The following ZNF672 variants were observed in gnomAD, a reference collection of about 807,000 sequenced individuals.
The protein encoded by ZNF672 is zinc finger protein 672.
For missense variants in ZNF672, 733 were observed against 701.1 expected, an observed-to-expected ratio of 1.05 and a Z score of -0.51; for synonymous variants, 358 against 305.6, an observed-to-expected ratio of 1.17 and a Z score of -1.79.
chr1:248,838,642 C>T (rs1336444013), intron 1 of ZNF672, 91 bp downstream of exon 1: 1 of 152,348 alleles, frequency 6.6e-6, no homozygotes, highest in African/African-American at 2.4e-5. Context: ...CCTCGGGCGA[C>T]TGGTGTCTGC....
At position 248,847,733 on chromosome 1, in the gene ZNF672, G is replaced by A; in HGVS notation, c.459G>A (p.Gly153=). Residue 153 remains glycine, a synonymous_variant, in exon 4 of 4, where the codon GGG becomes GGA. Transcript: ENST00000306562. ...ACCAGGCGCGGGCGCACCCCTTGGG[G>A]ACAACCTCTGACCCTGCTGCCCCAC... is the stretch of plus-strand genomic sequence containing the variant. ...LFHQARAHPL[G]TTSDPAAPPH... is the part of the protein sequence containing the mutation. 3.4e-6 allele frequency: 5 copies of A among 1,470,008 alleles called. No individual in the cohort carries two copies. The highest frequency in any genetic ancestry group is 1.4e-5 in the African/African-American group (1 of 70,612). The allele number at this position is 1,470,008 out of a possible 1,614,324, so 91.1% of individuals were successfully genotyped here.
chr1:248,841,854 G>A (rs1664684090), intron 1 of ZNF672, among the ~76,000 whole-genome samples: 1 of 151,600 alleles, frequency 6.6e-6, no homozygotes, highest in Non-Finnish European at 1.5e-5. Flanking sequence ...GGAGGCAGAG[G>A]TTGCAGTGAG....
At chr1:248,838,939 C>CAAGGGGCTAGGGTAGGCTCGGGGTTGGG (rs1664622452) in intron 1 of ZNF672, 1 of 152,166 alleles carries the variant, frequency 6.6e-6, no homozygotes, top group Non-Finnish European at 1.5e-5. Flanking sequence ...GCGCCACGGG[C>CAAGGGGCTAGGGTAGGCTCGGGGTTGGG]AAGGGGCTAG....
intron 1 of ZNF672, among the ~76,000 whole-genome samples, chr1:248,841,355 A>G (rs1276940193): frequency 1.3e-5 from 2 of 152,120 alleles, no homozygotes; most frequent in African/African-American, 4.8e-5. Flanking sequence ...GGCTCTGGCC[A>G]CTCTGGGCTT....
chr1:248,848,060 C>T lies in ZNF672; in HGVS notation c.786C>T (p.Arg262=). ...CGTACGCATGTGGCGACTGTGGACG[C>T]TGCTTCAGCGAGAGTTCCACGCTGC... ...EKPYACGDCG[R]CFSESSTLLR... The change falls in exon 4 of 4, where the codon CGC becomes CGT. Residue 262 remains arginine, a synonymous_variant. Transcript: ENST00000306562. 1 of 1,549,460 alleles carries T rather than the reference C, an allele frequency of 6.5e-7. No individual in the cohort carries two copies. The highest frequency in any genetic ancestry group is 1.2e-5 in the South Asian group (1 of 85,578).
chr1:248,845,908 C>T (rs969074921), intron 3 of ZNF672, among the ~76,000 whole-genome samples: 1 of 152,170 alleles, frequency 6.6e-6, no homozygotes, highest in Non-Finnish European at 1.5e-5. Flanking sequence ...GAGAAGTCGT[C>T]AGTGCTGAGG....
chr1:248,845,465 A>G (rs1377280271), intron 2 of ZNF672, 101 bp from the exon 3 acceptor site: 6 of 152,118 alleles, frequency 3.9e-5, no homozygotes, highest in African/African-American at 9.7e-5. Flanking sequence ...TAAAATGTCC[A>G]TTAAATAAAT....
Position 248,844,566 on chromosome 1 carries a change from G to A in ZNF672, c.-391G>A, listed in dbSNP as rs764730229. 3 of 152,216 alleles carry A rather than the reference G, an allele frequency of 2.0e-5. No individual in the cohort carries two copies. The highest frequency in any genetic ancestry group is 2.1e-4 in the South Asian group (1 of 4,832). 9.4% of individuals were successfully genotyped at this position (152,216 alleles called of 1,614,324 possible). On this transcript the variant is annotated 5_prime_UTR_variant, in exon 2 of 4. Coordinates refer to ENST00000306562, the MANE Select transcript of ZNF672 (RefSeq NM_024836.3). ...TACAGAAGAGAGACTTGAAGAGCGT[G>A]CCTTGGGACTCAAGCGCCAAACCTG...
intron 3 of ZNF672, among the ~76,000 whole-genome samples, 153 bp downstream of exon 3, chr1:248,845,815 T>C (rs1455972876): frequency 6.6e-6 from 1 of 152,200 alleles, no homozygotes; most frequent in African/African-American, 2.4e-5. Flanking sequence ...CTCTCCCGCA[T>C]CTGTTGAGCG....
In ZNF672 at chr1:248,847,577, C is replaced by T; in HGVS notation, c.303C>T (p.Cys101=). 1.3e-6 allele frequency: 2 copies of T among 1,570,580 alleles called. No homozygotes were observed. Among genetic ancestry groups the T allele is most frequent in the Non-Finnish European group, 1.7e-6 (2 of 1,161,976 alleles). The change falls in exon 4 of 4, where the codon TGC becomes TGT. Residue 101 remains cysteine (C), a synonymous_variant. Coordinates refer to ENST00000306562, the MANE Select transcript of ZNF672 (RefSeq NM_024836.3). ...GGCAGCGATGCCGCACTTGCCCCTG[C>T]CGCACATGCGGCCGGCGCTTCCCGC... ...AHRQRCRTCP[C]RTCGRRFPHL... is the part of the protein sequence containing the mutation.
Position 248,847,146 on chromosome 1 carries a change from G to T in ZNF672, c.-129G>T. ...GAACCCTGAAATCAGACCAGTTTTT[G>T]CGGCCTCCCCCTTTCCTCTCTGTTA... On this transcript the variant is annotated 5_prime_UTR_variant, in exon 4 of 4. Transcript: ENST00000306562. 1 of 1,279,378 alleles carries T rather than the reference G, an allele frequency of 7.8e-7. No individual in the cohort carries two copies. The allele number at this position is 1,279,378 out of a possible 1,614,324, so 79.3% of individuals were successfully genotyped here. A position where few individuals can be genotyped will look rare whatever the true frequency, so the allele number is the denominator to read the frequency against.
At position 248,847,889 on chromosome 1, in the gene ZNF672, C is replaced by G; in HGVS notation, c.615C>G (p.Gly205=). ...ACGCCCACCAGTGTGGCGTGTGCGGCAAGTGCTTTGGCAAGAGCTCTACGC... is the reference window on the plus strand; with the variant it reads ...ACGCCCACCAGTGTGGCGTGTGCGGGAAGTGCTTTGGCAAGAGCTCTACGC... ...VSDAHQCGVC[G]KCFGKSSTLT... The change falls in exon 4 of 4, where the codon GGC becomes GGG. Residue 205 remains glycine (G), a synonymous_variant. Transcript: ENST00000306562. 5 of 1,589,142 alleles carry G rather than the reference C, an allele frequency of 3.1e-6. No homozygotes were observed. Among genetic ancestry groups the G allele is most frequent in the Middle Eastern group, 1.7e-4 (1 of 6,040 alleles).
chr1:248,843,802 G>A (rs1224885105), intron 1 of ZNF672, among the ~76,000 whole-genome samples: 1 of 152,148 alleles, frequency 6.6e-6, no homozygotes, highest in East Asian at 1.9e-4. Flanking sequence ...GAAACGAGGA[G>A]AGTATTTGGC....
intron 1 of ZNF672, among the ~76,000 whole-genome samples, chr1:248,842,199 C>G (rs1216233274): frequency 6.6e-6 from 1 of 152,120 alleles, no homozygotes; most frequent in Admixed American, 6.5e-5. Context: ...CTTCCTGTTA[C>G]ATTCACTGAC....
At chr1:248,839,732 A>ATTT (rs774234469) in intron 1 of ZNF672, among the ~76,000 whole-genome samples, 2,787 of 113,826 alleles carry the variant, frequency 0.024, 140 homozygotes, top group African/African-American at 0.066. Context: ...AGTGTTAGCA[A>ATTT]TTTTTTTTTT....
In ZNF672 at chr1:248,849,230, G is replaced by A. The variant is rs1440444547; in HGVS notation, c.*597G>A. ...AGGAGCTGCCTGCACCCTGGCAGAG[G>A]TGGCCAGTCACGTGAAGGTGGGCAG... On this transcript the variant is annotated 3_prime_UTR_variant, in exon 4 of 4. Coordinates refer to ENST00000306562, the MANE Select transcript of ZNF672 (RefSeq NM_024836.3). 3 of 401,402 alleles carry A rather than the reference G, an allele frequency of 7.5e-6. No individual in the cohort carries two copies. Among genetic ancestry groups the A allele is most frequent in the Non-Finnish European group, 1.5e-5 (3 of 196,084 alleles). 24.9% of individuals were successfully genotyped at this position (401,402 alleles called of 1,614,324 possible). A position where few individuals can be genotyped will look rare whatever the true frequency, so the allele number is the denominator to read the frequency against.
intron 1 of ZNF672, among the ~76,000 whole-genome samples, chr1:248,842,487 C>G (rs937182226): frequency 6.6e-6 from 1 of 151,952 alleles, no homozygotes; most frequent in East Asian, 1.9e-4. Context: ...CCACAGCACC[C>G]GAGATCAGGG....
intron 1 of ZNF672, among the ~76,000 whole-genome samples, chr1:248,839,831 T>C (rs1169567660): frequency 3.0e-5 from 4 of 135,410 alleles, no homozygotes; most frequent in Non-Finnish European, 6.2e-5. Flanking sequence ...CTCCGCCTCC[T>C]GGCCTCAAGT....
intron 1 of ZNF672, among the ~76,000 whole-genome samples, chr1:248,844,224 G>A (rs939688352): frequency 6.6e-6 from 1 of 151,900 alleles, no homozygotes; most frequent in African/African-American, 2.4e-5. Flanking sequence ...TTTGTTTCGG[G>A]TTTTTTTAGT....
Sources: allele counts gnomAD v4.1 joint callset (sites outside exome capture counted in the v4.1 genomes callset), GRCh38; gene constraint gnomAD v4.1.1; transcripts MANE v1.5; gene names NCBI Gene and HGNC (gene_info 2026-07-23, HGNC 2026-07-21).